The following ERC2 variants were observed in gnomAD, a reference collection of about 807,000 sequenced individuals.
The protein encoded by ERC2 is ERC protein 2.
Under a neutral mutation model 114.8 loss-of-function variants are expected in ERC2, and 42 were observed. That is an observed-to-expected ratio of 0.37 (90% CI 0.29 to 0.47). ERC2 has a LOEUF of 0.47. Among genes scored for constraint, ERC2 ranks in the 20% least tolerant of loss-of-function variants. ERC2 has a pLI of 0.99. For missense variants in ERC2, 939 were observed against 1,150.7 expected (o/e 0.82, Z 2.66); for synonymous variants, 454 against 425.5 (o/e 1.07, Z -0.82).
chr3:55,899,522 AGT>A (rs551874521), intron 13 of ERC2, among the ~76,000 whole-genome samples: 3 of 151,876 alleles, frequency 2.0e-5, no homozygotes, highest in African/African-American at 2.4e-5. Flanking sequence ...TGAGAGAGAG[AGT>A]GTGTGTGTGA....
At chr3:55,671,098 C>G (rs1340580494) in intron 17 of ERC2, among the ~76,000 whole-genome samples, 1 of 152,112 alleles carries the variant, frequency 6.6e-6, no homozygotes, top group Non-Finnish European at 1.5e-5. Context: ...ATGCATATCA[C>G]CTATCTGTAT....
chr3:55,558,046 C>T (rs900399074), intron 17 of ERC2, among the ~76,000 whole-genome samples: 2 of 152,162 alleles, frequency 1.3e-5, no homozygotes, highest in South Asian at 2.1e-4. Context: ...GGCTAATTAA[C>T]GGAGAGGCTT....
chr3:56,030,925 G>A (rs952989239), intron 7 of ERC2, among the ~76,000 whole-genome samples: 1 of 152,180 alleles, frequency 6.6e-6, no homozygotes, highest in Admixed American at 6.5e-5. Flanking sequence ...GGAAAAGAGA[G>A]TGAAATGAGC....
At chr3:56,160,223 T>G (rs913548375) in intron 4 of ERC2, among the ~76,000 whole-genome samples, 4 of 152,182 alleles carry the variant, frequency 2.6e-5, no homozygotes, top group African/African-American at 9.6e-5. Flanking sequence ...TCACTGTGGT[T>G]TTTATTTGCT....
At chr3:56,370,363 G>A (rs947288167) in intron 2 of ERC2, among the ~76,000 whole-genome samples, 2 of 152,106 alleles carry the variant, frequency 1.3e-5, no homozygotes, top group African/African-American at 2.4e-5. Flanking sequence ...ATTTCTTGTT[G>A]GCTGGTCGTG....
At chr3:55,587,118 T>A (rs2057644714) in intron 17 of ERC2, among the ~76,000 whole-genome samples, 1 of 152,226 alleles carries the variant, frequency 6.6e-6, no homozygotes, top group Non-Finnish European at 1.5e-5. Flanking sequence ...TATCATTATA[T>A]AACTTGCCCC....
chr3:56,408,007 C>CA (rs2060794122), intron 2 of ERC2, among the ~76,000 whole-genome samples: 1 of 152,204 alleles, frequency 6.6e-6, no homozygotes, highest in Non-Finnish European at 1.5e-5. Context: ...GAGGTCCCTG[C>CA]ATGTATATGG....
chr3:55,854,903 A>T (rs1350861951), intron 14 of ERC2, among the ~76,000 whole-genome samples: 1 of 151,938 alleles, frequency 6.6e-6, no homozygotes, highest in Admixed American at 6.6e-5. Context: ...TTTAACAGAG[A>T]GCTCCTCCCC....
chr3:55,647,714 G>A (rs757335085), intron 17 of ERC2, among the ~76,000 whole-genome samples: 2 of 152,172 alleles, frequency 1.3e-5, no homozygotes, highest in Non-Finnish European at 2.9e-5. Flanking sequence ...ATATAACAAA[G>A]GTCTGCAAAT....
chr3:56,419,548 T>C (rs2061307103), intron 2 of ERC2, among the ~76,000 whole-genome samples: 2 of 152,236 alleles, frequency 1.3e-5, no homozygotes, highest in South Asian at 4.1e-4. Context: ...CTTACCAATG[T>C]ACATACCCTT....
intron 16 of ERC2, among the ~76,000 whole-genome samples, chr3:55,688,204 T>TATTTCTG (rs2062437111): frequency 6.6e-6 from 1 of 152,204 alleles, no homozygotes; most frequent in Non-Finnish European, 1.5e-5. Context: ...AGCGTTAGCT[T>TATTTCTG]ATTTCTGAGC....
intron 14 of ERC2, among the ~76,000 whole-genome samples, chr3:55,736,002 A>G (rs1251540327): frequency 6.6e-6 from 1 of 152,166 alleles, no homozygotes; most frequent in Admixed American, 6.6e-5. Flanking sequence ...TGACAACTTC[A>G]GTAGGTTTTA....
intron 15 of ERC2, among the ~76,000 whole-genome samples, chr3:55,712,034 T>G (rs1326155714): frequency 1.3e-5 from 2 of 152,226 alleles, no homozygotes; most frequent in African/African-American, 4.8e-5. Context: ...GGTAAAATAT[T>G]GTATCCCATG....
intron 7 of ERC2, among the ~76,000 whole-genome samples, chr3:56,046,457 A>C (rs1011903469): frequency 6.6e-6 from 1 of 152,214 alleles, no homozygotes; most frequent in Non-Finnish European, 1.5e-5. Flanking sequence ...ATGAGAAAGC[A>C]AAGGGCATGC....
chr3:56,269,773 C>T (rs2053542027), intron 3 of ERC2, among the ~76,000 whole-genome samples: 1 of 152,068 alleles, frequency 6.6e-6, no homozygotes, highest in Admixed American at 6.5e-5. Flanking sequence ...TCAGAACGGT[C>T]TATGTGTTAA....
intron 7 of ERC2, among the ~76,000 whole-genome samples, chr3:56,032,905 A>C (rs866182278): frequency 5.8e-3 from 250 of 43,090 alleles, no homozygotes; most frequent in African/African-American, 0.01. Flanking sequence ...GAGAGACAGA[A>C]AGAAAGAAAG....
chr3:55,706,368 T>C (rs1371279830), intron 15 of ERC2, among the ~76,000 whole-genome samples: 1 of 104,556 alleles, frequency 9.6e-6, no homozygotes, highest in African/African-American at 2.9e-5. Context: ...TCTGTTTTGT[T>C]TGTTTCTGTT....
chr3:56,067,407 A>G (rs1313638231), intron 7 of ERC2, among the ~76,000 whole-genome samples: 3 of 152,140 alleles, frequency 2.0e-5, no homozygotes, highest in African/African-American at 7.2e-5. Context: ...TTGTATCCTG[A>G]GACTTTGCTG....
At chr3:56,363,668 T>C (rs757459026) in intron 2 of ERC2, among the ~76,000 whole-genome samples, 2 of 152,166 alleles carry the variant, frequency 1.3e-5, no homozygotes, top group African/African-American at 2.4e-5. Flanking sequence ...AATCTATCAA[T>C]GTAACTTTAA....
Sources: allele counts gnomAD v4.1 joint callset (sites outside exome capture counted in the v4.1 genomes callset), GRCh38; gene constraint gnomAD v4.1.1; transcripts MANE v1.5; gene names NCBI Gene and HGNC (gene_info 2026-07-23, HGNC 2026-07-21).